Variants in KLHL5 observed in about 807,000 individuals in gnomAD.
KLHL5 encodes the protein kelch like family member 5, also known as kelch-like protein 5.
Under a neutral mutation model 77.7 loss-of-function variants are expected in KLHL5, and 48 were observed. The observed-to-expected ratio is 0.62, with a 90% CI of 0.49 to 0.79. KLHL5 has a LOEUF of 0.79. Ranked by LOEUF, KLHL5 falls within the 30% of genes least tolerant of loss-of-function variation. The pLI is 0.00. For missense variants in KLHL5, 723 were observed against 859.7 expected, an observed-to-expected ratio of 0.84 and a Z score of 1.99; for synonymous variants, 260 against 297.0, an observed-to-expected ratio of 0.88 and a Z score of 1.28.
At chr4:39,116,933 T>C (rs1282716515) in intron 10 of KLHL5, among the ~76,000 whole-genome samples, 1 of 152,130 alleles carries the variant, frequency 6.6e-6, no homozygotes, top group Non-Finnish European at 1.5e-5. Context: ...ACCTCCCGCA[T>C]TCAAGAGATT....
chr4:39,120,962 T>C, intron 10 of KLHL5, 48 bp from the exon 11 acceptor site: 1 of 1,428,390 alleles, frequency 7.0e-7, no homozygotes. Flanking sequence ...ATAGTAGTGT[T>C]GACATTTTAA....
intron 9 of KLHL5, 64 bp downstream of exon 9, chr4:39,113,296 A>G (rs1722595356): frequency 3.0e-6 from 4 of 1,334,792 alleles, no homozygotes; most frequent in Admixed American, 4.4e-5. Flanking sequence ...ATACTTACAT[A>G]TATTTGGAGA....
chr4:39,082,476 C>T (rs1456645863), intron 4 of KLHL5, among the ~76,000 whole-genome samples: 1 of 152,128 alleles, frequency 6.6e-6, no homozygotes, highest in Non-Finnish European at 1.5e-5. Context: ...CTTTGCTGCA[C>T]ATGGATGAAT....
chr4:39,107,643 A>G lies in KLHL5; in HGVS notation c.1600A>G (p.Arg534Gly). ...CTGGAGCTATCTGAACACAGTGGAA[A>G]GATGGGACCCTCAGGCTCGCCAGTG... ...DGWSYLNTVE[R>G]WDPQARQWNF... Residue 534 changes from arginine to glycine, a missense_variant, in exon 8 of 11, where the codon AGA becomes GGA. By Grantham distance (125) the Arg-to-Gly change is moderately radical. This residue lies in a region of KLHL5 where 214 missense variants were observed against 237.4 expected (regional missense o/e 0.90). Transcript: ENST00000504108. The G allele has an allele frequency of 6.2e-7, 1 of 1,612,940 alleles. No individual in the cohort carries two copies. The highest frequency in any genetic ancestry group is 8.5e-7 in the Non-Finnish European group (1 of 1,179,118).
In KLHL5 at chr4:39,101,860, AT is replaced by A. The variant is rs1417710474; in HGVS notation, c.1301-1426del. On this transcript the variant is annotated intron_variant, in intron 6 of 10. Coordinates refer to ENST00000504108, the MANE Select transcript of KLHL5 (RefSeq NM_015990.5). ...CAGTCTGTCTCAAAAAAAAAAAAAA[AT>A]ATATATATATATATATACACACACA... Among the ~76,000 whole-genome samples the A allele has an allele frequency of 7.8e-3, 492 of 63,128 alleles. 2 individuals carry two copies. The highest frequency in any genetic ancestry group is 0.021 in the African/African-American group (422 of 19,692). The allele number at this position is 63,128 out of a possible 152,430, so 41.4% of individuals were successfully genotyped here. A position where few individuals can be genotyped will look rare whatever the true frequency, so the allele number is the denominator to read the frequency against.
chr4:39,057,938 C>T (rs949939408), upstream of KLHL5, among the ~76,000 whole-genome samples: 1 of 152,112 alleles, frequency 6.6e-6, no homozygotes, highest in Non-Finnish European at 1.5e-5. Flanking sequence ...AGTGAGCTCA[C>T]CTTCAGTCTA....
chr4:39,050,834 T>G (rs184479228), intron 1 of KLHL5, among the ~76,000 whole-genome samples: 2 of 152,362 alleles, frequency 1.3e-5, no homozygotes, highest in Admixed American at 6.5e-5. Context: ...ATAATCAGGA[T>G]AAGAAGGTAT....
At chr4:39,112,671 G>C in intron 8 of KLHL5, 1 of 206,596 alleles carries the variant, frequency 4.8e-6, no homozygotes, top group Non-Finnish European at 9.9e-6. Flanking sequence ...AAAAGCCATG[G>C]TATATTTATA....
chr4:39,051,716 AAC>A (rs1374131208), intron 1 of KLHL5, among the ~76,000 whole-genome samples: 2 of 132,400 alleles, frequency 1.5e-5, no homozygotes, highest in Non-Finnish European at 1.7e-5. Flanking sequence ...AGAAAAAACA[AAC>A]AAACAAACAA....
chr4:39,112,655 TA>T lies in KLHL5; in HGVS notation c.1689-356del, dbSNP rs71643267. 7.0e-4 allele frequency: 139 copies of T among 197,414 alleles called. 1 individual carries two copies. Among genetic ancestry groups the T allele is most frequent in the Middle Eastern group, 2.3e-3 (1 of 440 alleles). 12.2% of individuals were successfully genotyped at this position (197,414 alleles called of 1,614,324 possible). A position where few individuals can be genotyped will look rare whatever the true frequency, so the allele number is the denominator to read the frequency against. ...TCCTTGATAATAAAGTCTTAACTATTAAAAAAAAAGCCATGGTATATTTATA... is the reference window on the plus strand; with the variant it reads ...TCCTTGATAATAAAGTCTTAACTATTAAAAAAAAGCCATGGTATATTTATA... On this transcript the variant is annotated intron_variant, in intron 8 of 10. Transcript: ENST00000504108.
the KLHL5 span, among the ~76,000 whole-genome samples, chr4:39,132,525 C>T: frequency 6.6e-6 from 1 of 152,000 alleles, no homozygotes; most frequent in African/African-American, 2.4e-5. Context: ...GGGAGGCTCA[C>T]TTGAGCCCAG....
At chr4:39,115,711 T>G in intron 10 of KLHL5, 1 of 1,177,262 alleles carries the variant, frequency 8.5e-7, no homozygotes. Flanking sequence ...AGCAGTCGGA[T>G]TTTTAAATAC....
chr4:39,115,721 C>A lies in KLHL5; in HGVS notation c.2073+391C>A, dbSNP rs902469238. On this transcript the variant is annotated intron_variant, in intron 10 of 10. Transcript: ENST00000504108. The stretch of plus-strand genomic sequence containing the variant: ...GTGTGAGCAGTCGGATTTTTAAATA[C>A]TCAACCCATTGATATCTGGGAGCAG... 2.6e-6 allele frequency: 3 copies of A among 1,166,426 alleles called. No individual in the cohort carries two copies. In the African/African-American group the frequency reaches 4.9e-5, roughly 19 times the overall value. The allele number at this position is 1,166,426 out of a possible 1,614,324, so 72.3% of individuals were successfully genotyped here. A position where few individuals can be genotyped will look rare whatever the true frequency, so the allele number is the denominator to read the frequency against.
Position 39,062,256 on chromosome 4 carries a change from GTC to G in KLHL5, c.-393_-392del, listed in dbSNP as rs1717484022. The G allele has an allele frequency of 7.8e-7, 1 of 1,289,282 alleles. No individual in the cohort carries two copies. The highest frequency in any genetic ancestry group is 3.8e-5 in the Admixed American group (1 of 26,272). 79.9% of individuals were successfully genotyped at this position (1,289,282 alleles called of 1,614,324 possible). On this transcript the variant is annotated 5_prime_UTR_variant, in exon 1 of 11. Coordinates refer to ENST00000504108, the MANE Select transcript of KLHL5 (RefSeq NM_015990.5). ...TACTGCAACGGGGATAGTGTTTTCTGTCTCTGTCATTTGTGGTTTAAGAAAAA... is the reference window on the plus strand; with the variant it reads ...TACTGCAACGGGGATAGTGTTTTCTGTCTGTCATTTGTGGTTTAAGAAAAA...
chr4:39,060,356 A>G (rs936704641), upstream of KLHL5, among the ~76,000 whole-genome samples: 1 of 152,066 alleles, frequency 6.6e-6, no homozygotes, highest in Non-Finnish European at 1.5e-5. Flanking sequence ...TAAAGGTATC[A>G]TTTTTCATTG....
downstream of KLHL5, among the ~76,000 whole-genome samples, chr4:39,126,396 G>C (rs923828916): frequency 7.9e-5 from 12 of 152,162 alleles, no homozygotes; most frequent in Non-Finnish European, 1.8e-4. Flanking sequence ...CCTCATTCCT[G>C]AGATGTAGGA....
At chr4:39,103,974 CAAAA>C (rs35801364) in intron 7 of KLHL5, among the ~76,000 whole-genome samples, 1 of 93,224 alleles carries the variant, frequency 1.1e-5, no homozygotes, top group Non-Finnish European at 2.0e-5. Flanking sequence ...ACATCTATCT[CAAAA>C]AAAAAAAAAA....
intron 1 of KLHL5, 131 bp downstream of exon 1, chr4:39,063,166 G>A (rs1488051360): frequency 3.3e-6 from 2 of 604,192 alleles, no homozygotes; most frequent in African/African-American, 1.9e-5. Flanking sequence ...TAATATCTTG[G>A]TATGAACATG....
intron 8 of KLHL5, 136 bp downstream of exon 8, chr4:39,107,867 T>A: frequency 1.8e-6 from 1 of 571,264 alleles, no homozygotes; most frequent in Non-Finnish European, 2.9e-6. Context: ...CTTTCTATAA[T>A]AGTTGTAAAT....
Sources: allele counts gnomAD v4.1 joint callset (sites outside exome capture counted in the v4.1 genomes callset), GRCh38; gene constraint gnomAD v4.1.1; regional missense constraint gnomAD v4.1.1; transcripts MANE v1.5; gene names NCBI Gene and HGNC (gene_info 2026-07-23, HGNC 2026-07-21).